CACNA1D: variants seen among roughly 807,000 people sequenced by gnomAD.
CACNA1D encodes calcium voltage-gated channel subunit alpha1 D, also known as voltage-dependent L-type calcium channel subunit alpha-1D.
A neutral mutation model predicts 257.1 loss-of-function variants in CACNA1D; 55 were observed. That is an observed-to-expected ratio of 0.21 (90% CI 0.17 to 0.27). CACNA1D has a LOEUF of 0.27. CACNA1D is among the 10% of genes least tolerant of loss of function. The probability of loss-of-function intolerance (pLI) is 1.00; values close to 1 mark genes in which losing one functional copy is unlikely to be tolerated. For synonymous variants in CACNA1D, 980 were observed against 1,014.9 expected (o/e 0.97, Z 0.65); for missense variants, 1,876 against 2,784.0 (o/e 0.67, Z 7.34).
chr3:53,799,927 C>G (rs941123477), intron 40 of CACNA1D: 7 of 401,566 alleles, frequency 1.7e-5, no homozygotes, highest in African/African-American at 1.2e-4. Flanking sequence ...AAGACTGTCA[C>G]TGAGACAGGG....
intron 8 of CACNA1D, chr3:53,679,269 T>TAAAAAAAA: frequency 1.6e-4 from 1 of 6,376 alleles, no homozygotes; most frequent in African/African-American, 3.3e-4. Context: ...AAACTCCATC[T>TAAAAAAAA]CAAAAAAAAA....
intron 29 of CACNA1D, among the ~76,000 whole-genome samples, chr3:53,754,345 T>C (rs1200435392): frequency 2.0e-5 from 3 of 152,342 alleles, no homozygotes; most frequent in Admixed American, 6.5e-5. Context: ...AGGGGCAGTG[T>C]AGTTCAGTGT....
chr3:53,550,234 A>G (rs2092502826), intron 3 of CACNA1D, among the ~76,000 whole-genome samples: 1 of 152,158 alleles, frequency 6.6e-6, no homozygotes, highest in Admixed American at 6.5e-5. Flanking sequence ...CTTTCTGCAC[A>G]TGGGAGCTGA....
chr3:53,653,559 C>A (rs538346653), intron 4 of CACNA1D, among the ~76,000 whole-genome samples: 76 of 151,902 alleles, frequency 5.0e-4, no homozygotes, highest in African/African-American at 1.5e-3. Flanking sequence ...AAAATATATC[C>A]AAAATGAAAA....
At chr3:53,629,205 C>T (rs2093794841) in intron 3 of CACNA1D, among the ~76,000 whole-genome samples, 1 of 152,224 alleles carries the variant, frequency 6.6e-6, no homozygotes, top group Admixed American at 6.5e-5. Context: ...TTTGCCAACC[C>T]CTGGTTTAGT....
In CACNA1D at chr3:53,769,867, G is replaced by T. The variant is rs1393775788; in HGVS notation, c.3871-106G>T. The T allele has an allele frequency of 1.7e-5, 15 of 894,742 alleles. No homozygotes were observed. In the Admixed American group the frequency reaches 2.5e-4, roughly 15 times the overall value. The allele number at this position is 894,742 out of a possible 1,614,324, so 55.4% of individuals were successfully genotyped here. ...TTCTCAGGGAGGGAGCAGGTGTGGT[G>T]TCTAAAGATGGGAACCACACATTTT... On this transcript the variant is annotated intron_variant, in intron 30 of 47. Coordinates refer to ENST00000350061, the MANE Select transcript of CACNA1D (RefSeq NM_001128840.3).
chr3:53,565,821 C>T (rs1386158868), intron 3 of CACNA1D, among the ~76,000 whole-genome samples: 1 of 152,152 alleles, frequency 6.6e-6, no homozygotes, highest in African/African-American at 2.4e-5. Context: ...GTACTTAATA[C>T]TGTCTATTGG....
At position 53,811,775 on chromosome 3, in the gene CACNA1D, G is replaced by A. The variant is rs780309031; in HGVS notation, c.*369G>A. 6 of 180,842 alleles carry A rather than the reference G, an allele frequency of 3.3e-5. No individual in the cohort carries two copies. The East Asian group carries it at 4.3e-4, about 13-fold the overall frequency. 11.2% of individuals were successfully genotyped at this position (180,842 alleles called of 1,614,324 possible). ...CCCACCCAACTGAAGGCATGGCGGC[G>A]GGGTGCAGGGGAAAGTTAAAGGTGA... On this transcript the variant is annotated 3_prime_UTR_variant, in exon 48 of 48. Coordinates refer to ENST00000350061, the MANE Select transcript of CACNA1D (RefSeq NM_001128840.3). This position sits in a 1 kb window ranked among gnomAD's most constrained non-coding sequence, Gnocchi z 4.2.
intron 3 of CACNA1D, among the ~76,000 whole-genome samples, chr3:53,614,075 T>A (rs2093610825): frequency 6.9e-6 from 1 of 144,190 alleles, no homozygotes; most frequent in Non-Finnish European, 1.5e-5. Flanking sequence ...GAGGGTCACT[T>A]GAGCCTAGGA....
intron 39 of CACNA1D, among the ~76,000 whole-genome samples, chr3:53,783,736 C>G (rs1228419846): frequency 6.6e-6 from 1 of 152,236 alleles, no homozygotes; most frequent in Non-Finnish European, 1.5e-5. Context: ...CCACATTCAT[C>G]ATTTGTCTGT....
At chr3:53,779,751 C>T (rs189553256) in intron 37 of CACNA1D, among the ~76,000 whole-genome samples, 22 of 152,278 alleles carry the variant, frequency 1.4e-4, no homozygotes, top group African/African-American at 4.6e-4. Context: ...TTGCTTTACT[C>T]ACTCTACCCA....
At chr3:53,713,543 T>TGTGTGTGAGAGA (rs377132134) in intron 9 of CACNA1D, among the ~76,000 whole-genome samples, 7 of 120,932 alleles carry the variant, frequency 5.8e-5, no homozygotes, top group African/African-American at 2.1e-4. Context: ...TGTGTGTGTG[T>TGTGTGTGAGAGA]GAGAGATTTG....
At chr3:53,565,584 T>C (rs2092820046) in intron 3 of CACNA1D, among the ~76,000 whole-genome samples, 2 of 152,212 alleles carry the variant, frequency 1.3e-5, no homozygotes, top group Admixed American at 1.3e-4. Context: ...AGATTACTAG[T>C]GTCTTCTGTT....
intron 9 of CACNA1D, among the ~76,000 whole-genome samples, chr3:53,716,551 T>C (rs2094820142): frequency 6.7e-6 from 1 of 149,776 alleles, no homozygotes; most frequent in Admixed American, 6.7e-5. Context: ...TTTTCCATGA[T>C]TAGAGTCGTA....
chr3:53,499,376 C>G (rs1310271003), intron 2 of CACNA1D, among the ~76,000 whole-genome samples: 1 of 151,746 alleles, frequency 6.6e-6, no homozygotes, highest in Non-Finnish European at 1.5e-5. Context: ...TATAGAAATC[C>G]TTTCCACCCC....
At chr3:53,517,928 C>A (rs1265475219) in intron 3 of CACNA1D, among the ~76,000 whole-genome samples, 2 of 152,372 alleles carry the variant, frequency 1.3e-5, no homozygotes, top group African/African-American at 2.4e-5. Flanking sequence ...TCTAGGCAAG[C>A]AAATGTTATT....
At chr3:53,750,788 C>T (rs933179464) in intron 27 of CACNA1D, among the ~76,000 whole-genome samples, 11 of 152,128 alleles carry the variant, frequency 7.2e-5, no homozygotes, top group African/African-American at 2.4e-4. Flanking sequence ...ACACTGGGAA[C>T]CTGTCCGAAG....
chr3:53,740,474 T>C (rs138821173), intron 21 of CACNA1D, 135 bp downstream of exon 21: 3 of 733,844 alleles, frequency 4.1e-6, no homozygotes, highest in African/African-American at 3.4e-5. Context: ...GAGATCATTT[T>C]AAAGGTAACA....
chr3:53,602,775 T>C (rs1267389759), intron 3 of CACNA1D, among the ~76,000 whole-genome samples: 1 of 152,258 alleles, frequency 6.6e-6, no homozygotes, highest in African/African-American at 2.4e-5. Context: ...TACAGATCTT[T>C]TGCCCATTTT....
Sources: gnomAD v4.1 joint callset for allele counts (sites outside exome capture counted in the v4.1 genomes callset) on GRCh38, gnomAD v4.1.1 for gene constraint, Gnocchi (gnomAD v3.1) non-coding constraint, MANE v1.5 for transcripts, NCBI Gene and HGNC (gene_info 2026-07-23, HGNC 2026-07-21) for gene names.